Variants in FBXL2 observed in about 807,000 individuals in gnomAD.
The protein encoded by FBXL2 is F-box and leucine rich repeat protein 2, also known as F-box/LRR-repeat protein 2.
FBXL2 carries 38 observed loss-of-function variants against 69.2 expected under a neutral mutation model. The ratio of observed to expected loss-of-function variants is 0.55; its 90% CI spans 0.42 to 0.72. The LOEUF is 0.72. Ranked by LOEUF, FBXL2 falls within the 30% of genes least tolerant of loss-of-function variation. The pLI, the probability that FBXL2 is intolerant of heterozygous loss-of-function variation, is 0.00. For synonymous variants in FBXL2, 192 were observed against 201.3 expected, an observed-to-expected ratio of 0.95 and a Z score of 0.39; for missense variants, 354 against 520.3, an observed-to-expected ratio of 0.68 and a Z score of 3.11.
rs552917207 is a variant in FBXL2 at position 33,386,409 on chromosome 3, A to G, written c.*801A>G. On this transcript the variant is annotated 3_prime_UTR_variant, in exon 15 of 15. Coordinates refer to ENST00000484457, the MANE Select transcript of FBXL2 (RefSeq NM_012157.5). ...CGTAAAACTGGGGGGAACCTTAAAG[A>G]GAAAGAACTAAGGCTTAAGTTATCT... is the stretch of plus-strand genomic sequence containing the variant. 6.6e-6 allele frequency: 1 copy of G among 152,360 alleles called. No homozygotes were observed. Among genetic ancestry groups the G allele is most frequent in the Admixed American group, 6.5e-5 (1 of 15,302 alleles). 9.4% of individuals were successfully genotyped at this position (152,360 alleles called of 1,614,324 possible).
At chr3:33,326,765 A>G (rs1302689902) in intron 2 of FBXL2, among the ~76,000 whole-genome samples, 1 of 152,218 alleles carries the variant, frequency 6.6e-6, no homozygotes, top group African/African-American at 2.4e-5. Flanking sequence ...ATGTTTTCAC[A>G]AAAGAATTGA....
At chr3:33,279,582 A>G (rs2033741603) in intron 1 of FBXL2, among the ~76,000 whole-genome samples, 2 of 152,188 alleles carry the variant, frequency 1.3e-5, no homozygotes, top group African/African-American at 2.4e-5. Context: ...ACTGTGTTCT[A>G]AATCACATTA....
chr3:33,416,683 AATT>A, the FBXL2 span: 1 of 1,180,374 alleles, frequency 8.5e-7, no homozygotes, highest in Non-Finnish European at 1.2e-6. Context: ...ATTGAAGTGA[AATT>A]AATTTTTTTT....
intron 2 of FBXL2, chr3:33,300,383 G>T (rs1203536132): frequency 2.0e-5 from 3 of 152,168 alleles, no homozygotes; most frequent in Admixed American, 6.5e-5. Flanking sequence ...GAATTCTGGA[G>T]GTTGTCATCA....
intron 5 of FBXL2, among the ~76,000 whole-genome samples, chr3:33,368,352 T>C (rs2042082976): frequency 6.6e-6 from 1 of 152,254 alleles, no homozygotes; most frequent in Non-Finnish European, 1.5e-5. Flanking sequence ...TCCTATCAGC[T>C]CTTGCTTCAA....
chr3:33,384,083 A>C lies in FBXL2; in HGVS notation c.1046A>C (p.Asp349Ala). 1 of 1,614,164 alleles carries C rather than the reference A, an allele frequency of 6.2e-7. No homozygotes were observed. The highest frequency in any genetic ancestry group is 8.5e-7 in the Non-Finnish European group (1 of 1,180,022). ...GHERLRVLEL[D>A]NCLLITDVAL... ...GAGAGGCTGCGGGTACTGGAGTTGG[A>C]CAACTGCCTCCTCATCACTGATGTG... The change falls in exon 14 of 15, where the codon GAC becomes GCC. Residue 349 changes from aspartate to alanine, a missense_variant. Transcript: ENST00000484457.
At chr3:33,411,887 AT>A in the FBXL2 span, among the ~76,000 whole-genome samples, 16,031 of 151,848 alleles carry the variant, frequency 0.11, 931 homozygotes, top group Admixed American at 0.16. Flanking sequence ...TTTGTATTTC[AT>A]TTTTTTTAAG....
At chr3:33,312,379 G>A (rs2037291581) in intron 2 of FBXL2, among the ~76,000 whole-genome samples, 1 of 152,276 alleles carries the variant, frequency 6.6e-6, no homozygotes, top group East Asian at 1.9e-4. Flanking sequence ...TATTTGTCAG[G>A]CAGTTTGTAA....
chr3:33,349,503 G>T (rs1457524999), intron 2 of FBXL2, among the ~76,000 whole-genome samples: 2 of 152,146 alleles, frequency 1.3e-5, no homozygotes, highest in Non-Finnish European at 2.9e-5. Context: ...AATTTGGTTT[G>T]TTAGTATTTT....
At chr3:33,350,991 C>A (rs1454475208) in intron 2 of FBXL2, among the ~76,000 whole-genome samples, 2 of 151,884 alleles carry the variant, frequency 1.3e-5, no homozygotes, top group Admixed American at 1.3e-4. Flanking sequence ...CTGGGCCGGG[C>A]GTGGTAGCTC....
downstream of FBXL2, among the ~76,000 whole-genome samples, chr3:33,404,656 G>C (rs1467637458): frequency 6.6e-6 from 1 of 151,816 alleles, no homozygotes; most frequent in Non-Finnish European, 1.5e-5. Context: ...TTGAAAAAAA[G>C]GAAAGAAAAA....
chr3:33,399,822 G>A (rs757549251), intron 12 of FBXL2, among the ~76,000 whole-genome samples: 4 of 151,732 alleles, frequency 2.6e-5, no homozygotes, highest in Admixed American at 6.6e-5. Flanking sequence ...TGTGAGAAAC[G>A]GAGTGAAGAG....
At chr3:33,363,691 T>G (rs527269205) in intron 4 of FBXL2, among the ~76,000 whole-genome samples, 188 of 152,334 alleles carry the variant, frequency 1.2e-3, no homozygotes, top group Non-Finnish European at 1.9e-3. Context: ...TACTACAGGA[T>G]GCCCTAAGGG....
downstream of FBXL2, among the ~76,000 whole-genome samples, chr3:33,408,365 A>G (rs1438660432): frequency 6.6e-6 from 1 of 152,112 alleles, no homozygotes; most frequent in East Asian, 1.9e-4. Flanking sequence ...GTGCTCTTGA[A>G]GGAGGTGTGT....
At chr3:33,297,132 G>A (rs9836633) in intron 1 of FBXL2, among the ~76,000 whole-genome samples, 61,267 of 151,948 alleles carry the variant, frequency 0.4, 13,836 homozygotes, top group East Asian at 0.6. Context: ...GTTTATCTCA[G>A]AGTATTTTGT....
At chr3:33,306,290 A>T (rs1451330504) in intron 2 of FBXL2, among the ~76,000 whole-genome samples, 1 of 152,066 alleles carries the variant, frequency 6.6e-6, no homozygotes, top group Admixed American at 6.6e-5. Flanking sequence ...ATATATAGTC[A>T]GAGAACTACA....
chr3:33,331,185 C>A (rs2039134143), intron 2 of FBXL2, among the ~76,000 whole-genome samples: 1 of 151,648 alleles, frequency 6.6e-6, no homozygotes, highest in African/African-American at 2.4e-5. Context: ...GAAAAAAACA[C>A]CTGAATTTAG....
chr3:33,397,945 T>C (rs149969392), intron 12 of FBXL2: 6 of 152,322 alleles, frequency 3.9e-5, no homozygotes, highest in Non-Finnish European at 8.8e-5. Flanking sequence ...TGAACTACTA[T>C]TCAGTATTTC....
chr3:33,353,637 C>T (rs2040988385), intron 2 of FBXL2, among the ~76,000 whole-genome samples: 1 of 152,206 alleles, frequency 6.6e-6, no homozygotes, highest in African/African-American at 2.4e-5. Context: ...GCCTGTAATC[C>T]CAGCACTTTG....
Sources: gnomAD v4.1 joint callset for allele counts (sites outside exome capture counted in the v4.1 genomes callset) on GRCh38, gnomAD v4.1.1 for gene constraint, MANE v1.5 for transcripts, NCBI Gene and HGNC (gene_info 2026-07-23, HGNC 2026-07-21) for gene names.